Variants in CNTN4 observed in about 807,000 individuals in gnomAD.
CNTN4 encodes contactin-4.
A neutral mutation model predicts 122.5 loss-of-function variants in CNTN4; 77 were observed. That is an observed-to-expected ratio of 0.63 (90% confidence interval 0.52 to 0.76). CNTN4 has a LOEUF of 0.76. CNTN4 is among the 30% of genes least tolerant of loss of function. The pLI is 0.00. For missense variants in CNTN4, 1,256 were observed against 1,259.1 expected (o/e 1.00, Z 0.04); for synonymous variants, 512 against 447.0 (o/e 1.15, Z -1.83).
At chr3:2,773,182 C>T (rs959697670) in intron 6 of CNTN4, among the ~76,000 whole-genome samples, 6 of 151,358 alleles carry the variant, frequency 4.0e-5, no homozygotes, top group East Asian at 1.9e-4. Context: ...CAAGGGTATA[C>T]CTGAAGAAGG....
At chr3:2,983,183 C>T (rs9814628) in intron 13 of CNTN4, among the ~76,000 whole-genome samples, 24,659 of 124,810 alleles carry the variant, frequency 0.2, 2,460 homozygotes, top group African/African-American at 0.29. Context: ...CACTGCACTC[C>T]AGCCTGGGTG....
At chr3:2,468,752 C>T (rs976966314) in intron 3 of CNTN4, among the ~76,000 whole-genome samples, 14 of 151,574 alleles carry the variant, frequency 9.2e-5, no homozygotes, top group Middle Eastern at 3.4e-3. Context: ...GCCTTTAGTT[C>T]TCATGCATCT....
chr3:2,649,483 G>A (rs2083271030), intron 4 of CNTN4, among the ~76,000 whole-genome samples: 1 of 152,132 alleles, frequency 6.6e-6, no homozygotes, highest in Non-Finnish European at 1.5e-5. Flanking sequence ...AACAAAGCCT[G>A]GATAACAGTA....
At chr3:2,791,606 A>C (rs547665595) in intron 6 of CNTN4, among the ~76,000 whole-genome samples, 13 of 152,276 alleles carry the variant, frequency 8.5e-5, no homozygotes, top group Admixed American at 8.5e-4. Flanking sequence ...ATGGACAAGA[A>C]GAATGCAAAC....
chr3:2,719,658 A>T (rs2087718255), intron 4 of CNTN4, among the ~76,000 whole-genome samples: 1 of 152,208 alleles, frequency 6.6e-6, no homozygotes, highest in South Asian at 2.1e-4. Context: ...CCCTGACCTC[A>T]GGCGATCCGC....
intron 4 of CNTN4, among the ~76,000 whole-genome samples, chr3:2,735,446 T>C (rs2089013029): frequency 6.6e-6 from 1 of 152,250 alleles, no homozygotes; most frequent in South Asian, 2.1e-4. Flanking sequence ...CCAGTTTCTC[T>C]TATTGAGAGA....
At chr3:2,398,743 C>G (rs1214720765) in intron 3 of CNTN4, among the ~76,000 whole-genome samples, 1 of 152,164 alleles carries the variant, frequency 6.6e-6, no homozygotes, top group Non-Finnish European at 1.5e-5. Context: ...TACCACGGAA[C>G]TGAGAGTTCC....
At chr3:2,323,184 G>A (rs998809394) in intron 2 of CNTN4, among the ~76,000 whole-genome samples, 1 of 152,040 alleles carries the variant, frequency 6.6e-6, no homozygotes, top group Non-Finnish European at 1.5e-5. Flanking sequence ...GACATGCACC[G>A]CTGGAACTAT....
chr3:2,354,492 C>T (rs1575444928), intron 3 of CNTN4, among the ~76,000 whole-genome samples: 1 of 152,180 alleles, frequency 6.6e-6, no homozygotes, highest in Admixed American at 6.5e-5. Flanking sequence ...GATCGCACCA[C>T]TGCACTGCAG....
At chr3:2,976,866 T>C (rs1022210845) in intron 13 of CNTN4, among the ~76,000 whole-genome samples, 1 of 151,890 alleles carries the variant, frequency 6.6e-6, no homozygotes, top group African/African-American at 2.4e-5. Flanking sequence ...CCAAAACAAG[T>C]CTTTTTTTTT....
At chr3:2,891,163 GA>G (rs2151046838) in intron 10 of CNTN4, among the ~76,000 whole-genome samples, 1 of 152,216 alleles carries the variant, frequency 6.6e-6, no homozygotes, top group South Asian at 2.1e-4. Context: ...GAGTGATAAA[GA>G]AAATAATGAG....
intron 13 of CNTN4, among the ~76,000 whole-genome samples, chr3:2,940,340 A>G (rs533633742): frequency 1.6e-4 from 25 of 152,358 alleles, no homozygotes; most frequent in Non-Finnish European, 3.1e-4. Context: ...ATGAGACCAC[A>G]AATGATATAT....
chr3:2,322,399 C>T (rs867671148), intron 2 of CNTN4, among the ~76,000 whole-genome samples: 68 of 152,152 alleles, frequency 4.5e-4, no homozygotes, highest in Middle Eastern at 3.4e-3. Context: ...ACAACATGGA[C>T]GCACCTTGAA....
chr3:2,293,605 GCACATAATAAA>G (rs1055050383), intron 2 of CNTN4, among the ~76,000 whole-genome samples: 135 of 152,200 alleles, frequency 8.9e-4, no homozygotes, highest in African/African-American at 3.2e-3. Flanking sequence ...AGGTTTCTTG[GCACATAATAAA>G]CAAGATAAAT....
chr3:2,920,614 T>A (rs78881319), intron 12 of CNTN4, among the ~76,000 whole-genome samples: 3 of 152,110 alleles, frequency 2.0e-5, no homozygotes, highest in Admixed American at 2.0e-4. Context: ...TCTCGGACTC[T>A]AAGAAAATTT....
chr3:2,285,443 C>T (rs1280241429), intron 2 of CNTN4, among the ~76,000 whole-genome samples: 1 of 152,042 alleles, frequency 6.6e-6, no homozygotes, highest in African/African-American at 2.4e-5. Flanking sequence ...CTTAAGATTG[C>T]ATTGGAGCAT....
chr3:2,111,581 T>G (rs1437612208), intron 2 of CNTN4, among the ~76,000 whole-genome samples: 1 of 152,166 alleles, frequency 6.6e-6, no homozygotes, highest in Non-Finnish European at 1.5e-5. Flanking sequence ...GGAGGCAGAC[T>G]TGGTGATTTA....
At chr3:2,440,737 TATGA>T (rs1429308382) in intron 3 of CNTN4, among the ~76,000 whole-genome samples, 3 of 150,748 alleles carry the variant, frequency 2.0e-5, no homozygotes, top group African/African-American at 7.3e-5. Flanking sequence ...CATATTTGTG[TATGA>T]ATGAATATAT....
chr3:2,429,360 T>C (rs1490203035), intron 3 of CNTN4, among the ~76,000 whole-genome samples: 2 of 152,202 alleles, frequency 1.3e-5, no homozygotes, highest in Non-Finnish European at 2.9e-5. Context: ...CAGACCCTGT[T>C]TGCCTGAGTG....
Sources: allele counts gnomAD v4.1 joint callset (sites outside exome capture counted in the v4.1 genomes callset), GRCh38; gene constraint gnomAD v4.1.1; transcripts MANE v1.5; gene names NCBI Gene and HGNC (gene_info 2026-07-23, HGNC 2026-07-21).